SPIN1: variants seen among roughly 807,000 people sequenced by gnomAD.
SPIN1 encodes spindlin-1.
SPIN1 carries 3 observed loss-of-function variants against 26.0 expected under a neutral mutation model. The ratio of observed to expected loss-of-function variants is 0.12; its 90% CI spans 0.05 to 0.30. The LOEUF (loss-of-function observed/expected upper bound fraction) is 0.30, where lower values mean the gene tolerates loss of function less well. Among genes scored for constraint, SPIN1 ranks in the 10% least tolerant of loss-of-function variants. SPIN1 has a pLI of 1.00. For synonymous variants in SPIN1, 101 were observed against 116.5 expected (o/e 0.87, Z 0.86); for missense variants, 126 against 333.4 (o/e 0.38, Z 4.84).
intron 3 of SPIN1, among the ~76,000 whole-genome samples, chr9:88,451,769 C>T (rs1828357967): frequency 6.6e-6 from 1 of 152,164 alleles, no homozygotes; most frequent in African/African-American, 2.4e-5. Context: ...CTGTGTTGGC[C>T]AGGCTGGTCT....
chr9:88,441,128 A>G (rs750435083), intron 2 of SPIN1, among the ~76,000 whole-genome samples: 3 of 151,882 alleles, frequency 2.0e-5, no homozygotes, highest in Non-Finnish European at 4.4e-5. Flanking sequence ...CATGTACATT[A>G]TTGTCATTTT....
intron 2 of SPIN1, among the ~76,000 whole-genome samples, chr9:88,436,361 C>G (rs2118071698): frequency 6.6e-6 from 1 of 152,252 alleles, no homozygotes; most frequent in East Asian, 1.9e-4. Flanking sequence ...GTTTTAGGTA[C>G]TCAGGAAAAT....
At chr9:88,454,337 C>G (rs1828425523) in intron 3 of SPIN1, among the ~76,000 whole-genome samples, 1 of 152,144 alleles carries the variant, frequency 6.6e-6, no homozygotes, top group South Asian at 2.1e-4. Flanking sequence ...TTGCTAATCA[C>G]TTTTCTCTAT....
At chr9:88,451,871 T>G (rs1828360111) in intron 3 of SPIN1, among the ~76,000 whole-genome samples, 1 of 152,162 alleles carries the variant, frequency 6.6e-6, no homozygotes, top group Non-Finnish European at 1.5e-5. Flanking sequence ...TAAAAGTACA[T>G]CTTGGAGGGA....
chr9:88,414,452 C>G (rs1827519982), intron 1 of SPIN1, among the ~76,000 whole-genome samples: 1 of 152,206 alleles, frequency 6.6e-6, no homozygotes, highest in African/African-American at 2.4e-5. Context: ...CCAACTGGAG[C>G]TGGGACAAAG....
At chr9:88,408,446 T>G (rs1264221778) in intron 1 of SPIN1, among the ~76,000 whole-genome samples, 1 of 150,294 alleles carries the variant, frequency 6.7e-6, no homozygotes, top group Non-Finnish European at 1.5e-5. Flanking sequence ...GGTGCTATCT[T>G]GGCTAACTGC....
At position 88,429,671 on chromosome 9, in the gene SPIN1, A is replaced by G. The variant is rs148013879; in HGVS notation, c.52+3080A>G. Among the ~76,000 whole-genome samples, 482 of 152,276 alleles carry G rather than the reference A, an allele frequency of 3.2e-3. 10 individuals carry two copies. The South Asian group carries it at 0.046, about 14-fold the overall frequency. On this transcript the variant is annotated intron_variant, in intron 2 of 5. Coordinates refer to ENST00000375859, the MANE Select transcript of SPIN1 (RefSeq NM_006717.3). ...TGTTGCGCTATCTGGAAGCTCTTCT[A>G]AACTCTGTCTTTTGTGGTTTTTATG...
chr9:88,471,288 A>G (rs1828777970), intron 5 of SPIN1, among the ~76,000 whole-genome samples: 1 of 151,504 alleles, frequency 6.6e-6, no homozygotes, highest in African/African-American at 2.4e-5. Flanking sequence ...TAAGGGTCCA[A>G]CTTCATTTTT....
chr9:88,450,458 A>G (rs977309846), intron 3 of SPIN1, among the ~76,000 whole-genome samples: 1 of 152,200 alleles, frequency 6.6e-6, no homozygotes, highest in South Asian at 2.1e-4. Flanking sequence ...GATTTCAGAT[A>G]TTAATAGGTT....
intron 1 of SPIN1, among the ~76,000 whole-genome samples, chr9:88,395,173 C>G (rs758471025): frequency 6.6e-6 from 1 of 152,010 alleles, no homozygotes; most frequent in Non-Finnish European, 1.5e-5. Flanking sequence ...AAAATCTGAT[C>G]TGTGTTAAAA....
intron 3 of SPIN1, among the ~76,000 whole-genome samples, chr9:88,451,094 T>C (rs1828343514): frequency 6.7e-6 from 1 of 149,014 alleles, no homozygotes; most frequent in Non-Finnish European, 1.5e-5. Flanking sequence ...AAAATGCAAT[T>C]TTTATGGAAA....
intron 1 of SPIN1, among the ~76,000 whole-genome samples, chr9:88,403,381 C>T (rs1200679990): frequency 6.6e-6 from 1 of 152,086 alleles, no homozygotes; most frequent in Non-Finnish European, 1.5e-5. Flanking sequence ...TATACATTAT[C>T]TTATGAGGGT....
intron 2 of SPIN1, among the ~76,000 whole-genome samples, chr9:88,445,886 A>G (rs2066874383): frequency 6.6e-6 from 1 of 152,168 alleles, no homozygotes; most frequent in South Asian, 2.1e-4. Context: ...GAATATTTCC[A>G]TGTGAACTTG....
chr9:88,442,745 A>G (rs939933250), intron 2 of SPIN1, among the ~76,000 whole-genome samples: 13 of 151,566 alleles, frequency 8.6e-5, no homozygotes, highest in Non-Finnish European at 1.6e-4. Flanking sequence ...TCTTTGGTGT[A>G]GTTTTTTTCT....
At chr9:88,396,067 C>T (rs11142280) in intron 1 of SPIN1, among the ~76,000 whole-genome samples, 1 of 149,032 alleles carries the variant, frequency 6.7e-6, no homozygotes, top group South Asian at 2.1e-4. Flanking sequence ...GCAACAACAA[C>T]AAAAAAACCC....
At chr9:88,455,747 G>A (rs989425177) in intron 3 of SPIN1, among the ~76,000 whole-genome samples, 2 of 152,164 alleles carry the variant, frequency 1.3e-5, no homozygotes, top group African/African-American at 4.8e-5. Context: ...GGAGGCCAAG[G>A]TGGGAGGATT....
At chr9:88,394,604 T>A (rs1360658357) in intron 1 of SPIN1, among the ~76,000 whole-genome samples, 1 of 152,186 alleles carries the variant, frequency 6.6e-6, no homozygotes, top group African/African-American at 2.4e-5. Context: ...AGTTTGAAAA[T>A]AACACTAATA....
rs1439814199 is a variant in SPIN1, at chr9:88,410,802, G to T, written c.-158-15580G>T. 4.0e-6 allele frequency: 4 copies of T among 998,382 alleles called. No individual in the cohort carries two copies. The African/African-American group carries it at 4.7e-5, about 12-fold the overall frequency. The allele number at this position is 998,382 out of a possible 1,614,324, so 61.8% of individuals were successfully genotyped here. ...TGCCACCAAAGCCACCATGACCACT[G>T]AAGTTTCCTCCACTACCAGAGTTGT... is the stretch of plus-strand genomic sequence containing the variant. On this transcript the variant is annotated intron_variant, in intron 1 of 5. Transcript: ENST00000375859.
intron 5 of SPIN1, 107 bp from the exon 6 acceptor site, chr9:88,474,971 T>A (rs956870379): frequency 2.1e-5 from 24 of 1,131,474 alleles, no homozygotes; most frequent in South Asian, 1.7e-4. Context: ...GCTATTAAAA[T>A]TTTTTTTAAG....
Sources: allele counts gnomAD v4.1 joint callset (sites outside exome capture counted in the v4.1 genomes callset), GRCh38; gene constraint gnomAD v4.1.1; transcripts MANE v1.5; gene names NCBI Gene and HGNC (gene_info 2026-07-23, HGNC 2026-07-21).